CCDC83: variants seen among roughly 807,000 people sequenced by gnomAD.
CCDC83 encodes the protein coiled-coil domain containing 83.
Under a neutral mutation model 50.1 loss-of-function variants are expected in CCDC83, and 54 were observed. The ratio of observed to expected loss-of-function variants is 1.08; its 90% CI spans 0.87 to 1.35. CCDC83 has a LOEUF of 1.35. CCDC83 is among the 40% of genes most tolerant of loss of function. The pLI is 0.00. For missense variants in CCDC83, 518 were observed against 473.9 expected (o/e 1.09, Z -0.86); for synonymous variants, 161 against 153.3 (o/e 1.05, Z -0.37).
chr11:85,896,400 CAAAAAAAAAAAAAA>C lies in CCDC83; in HGVS notation c.603+1030_603+1043del, dbSNP rs58450617. Among the ~76,000 whole-genome samples the C allele has an allele frequency of 4.4e-4, 22 of 50,504 alleles. No individual in the cohort carries two copies. The South Asian group carries it at 1.0e-2, about 23-fold the overall frequency. The allele number at this position is 50,504 out of a possible 152,430, so 33.1% of individuals were successfully genotyped here. A position where few individuals can be genotyped will look rare whatever the true frequency, so the allele number is the denominator to read the frequency against. On this transcript the variant is annotated intron_variant, in intron 6 of 10. Coordinates refer to ENST00000342404, the MANE Select transcript of CCDC83 (RefSeq NM_001286159.2). ...TGGGCAACAAAGTGAGACCTTGTCT[CAAAAAAAAAAAAAA>C]AAAAAAAAAAAAACCAAAAAACTGA...
At position 85,919,390 on chromosome 11, in the gene CCDC83, T is replaced by G; in HGVS notation, c.1122T>G (p.Ser374Arg). ...NLGPLGVKLM[S>R]VESKKMPIHF... is the part of the protein sequence containing the mutation. Reference sequence around the variant, plus strand: ...GCCCCCTGGGAGTGAAGCTTATGAGTGTGGAGAGCAAGAAAATGCCCATTC... The same window carrying G: ...GCCCCCTGGGAGTGAAGCTTATGAGGGTGGAGAGCAAGAAAATGCCCATTC... The change falls in exon 11 of 11, where the codon AGT (serine) becomes AGG (arginine). Residue 374 changes from serine to arginine, a missense_variant. Coordinates refer to ENST00000342404, the MANE Select transcript of CCDC83 (RefSeq NM_001286159.2). The G allele has an allele frequency of 6.2e-7, 1 of 1,613,574 alleles. No homozygotes were observed. Among genetic ancestry groups the G allele is most frequent in the Non-Finnish European group, 8.5e-7 (1 of 1,179,834 alleles).
At position 85,919,504 on chromosome 11, in the gene CCDC83, T is replaced by C. The variant is rs2093498819; in HGVS notation, c.1236T>C (p.Phe412=). Reference sequence around the variant, plus strand: ...TCACATATAAGATGATGAAGTCTTTTCTCTAAGACGGAAAGCTGCAAAGGA... The same window carrying C: ...TCACATATAAGATGATGAAGTCTTTCCTCTAAGACGGAAAGCTGCAAAGGA... ...SHITYKMMKS[F]L is the part of the protein sequence containing the mutation. The change falls in exon 11 of 11, where the codon TTT becomes TTC. Residue 412 remains phenylalanine (F), a synonymous_variant. Transcript: ENST00000342404. 1 of 1,604,740 alleles carries C rather than the reference T, an allele frequency of 6.2e-7. No individual in the cohort carries two copies. Among genetic ancestry groups the C allele is most frequent in the South Asian group, 1.1e-5 (1 of 89,308 alleles).
At chr11:85,907,568 T>C (rs2093431350) in intron 7 of CCDC83, among the ~76,000 whole-genome samples, 1 of 152,222 alleles carries the variant, frequency 6.6e-6, no homozygotes, top group Non-Finnish European at 1.5e-5. Flanking sequence ...AGTTTCTATG[T>C]ATATTTCTTG....
At chr11:85,867,435 C>G (rs1484209527) in intron 2 of CCDC83, among the ~76,000 whole-genome samples, 1 of 152,166 alleles carries the variant, frequency 6.6e-6, no homozygotes, top group East Asian at 1.9e-4. Flanking sequence ...AAATCTGTCT[C>G]CTTCTTTGGA....
At chr11:85,863,866 A>T (rs1241439457) in intron 1 of CCDC83, among the ~76,000 whole-genome samples, 2 of 152,196 alleles carry the variant, frequency 1.3e-5, no homozygotes, top group Middle Eastern at 3.2e-3. Context: ...GGGAAAGAGG[A>T]AGGGGCACTA....
At chr11:85,905,030 C>T (rs993878924) in intron 7 of CCDC83, among the ~76,000 whole-genome samples, 2 of 152,202 alleles carry the variant, frequency 1.3e-5, no homozygotes, top group African/African-American at 4.8e-5. Context: ...ATGTTGTTGG[C>T]TCATGCCTGT....
chr11:85,883,818 T>C (rs2093313534), intron 4 of CCDC83, among the ~76,000 whole-genome samples: 1 of 152,144 alleles, frequency 6.6e-6, no homozygotes, highest in South Asian at 2.1e-4. Flanking sequence ...TCAATAGATA[T>C]TTGCTGTTTT....
In CCDC83 at chr11:85,886,309, C is replaced by T; in HGVS notation, c.453C>T (p.Leu151=). 1 of 1,609,766 alleles carries T rather than the reference C, an allele frequency of 6.2e-7. No homozygotes were observed. The highest frequency in any genetic ancestry group is 8.5e-7 in the Non-Finnish European group (1 of 1,178,470). Reference sequence around the variant, plus strand: ...TAGGGAGTGAACGACATGCTAAACTCATTACCTCCTTACAAAATGACATCA... The same window carrying T: ...TAGGGAGTGAACGACATGCTAAACTTATTACCTCCTTACAAAATGACATCA... ...KNVGSERHAK[L]ITSLQNDINT... The change falls in exon 5 of 11, where the codon CTC becomes CTT. Residue 151 remains leucine, a synonymous_variant. Coordinates refer to ENST00000342404, the MANE Select transcript of CCDC83 (RefSeq NM_001286159.2).
At chr11:85,915,253 C>T (rs867574579) in intron 8 of CCDC83, among the ~76,000 whole-genome samples, 166 bp from the exon 9 acceptor site, 1 of 152,116 alleles carries the variant, frequency 6.6e-6, no homozygotes, top group Non-Finnish European at 1.5e-5. Flanking sequence ...TTTAAAATAC[C>T]GTAAGGCTGT....
chr11:85,908,396 C>G (rs1344654597), intron 7 of CCDC83, among the ~76,000 whole-genome samples: 1 of 151,072 alleles, frequency 6.6e-6, no homozygotes, highest in Non-Finnish European at 1.5e-5. Flanking sequence ...ACTAAAGATG[C>G]AAAAAAAATA....
In CCDC83 at chr11:85,919,472, A is replaced by T. The variant is rs1056620037; in HGVS notation, c.1204A>T (p.Ser402Cys). 1 of 1,612,266 alleles carries T rather than the reference A, an allele frequency of 6.2e-7. No homozygotes were observed. Among genetic ancestry groups the T allele is most frequent in the Admixed American group, 1.7e-5 (1 of 59,468 alleles). ...CTATAAAGATGTCAGGAGCCCAGAA[A>T]GCCACATCACATATAAGATGATGAA... is the stretch of plus-strand genomic sequence containing the variant. ...KLYKDVRSPE[S>C]HITYKMMKSF... The change falls in exon 11 of 11, where the codon AGC becomes TGC. Residue 402 changes from serine to cysteine, a missense_variant. By Grantham distance (112) the Ser-to-Cys change is moderately radical. Coordinates refer to ENST00000342404, the MANE Select transcript of CCDC83 (RefSeq NM_001286159.2).
chr11:85,911,202 AAG>A (rs2093452039), intron 7 of CCDC83, 77 bp from the exon 8 acceptor site: 2 of 1,225,686 alleles, frequency 1.6e-6, no homozygotes, highest in Admixed American at 2.9e-5. Context: ...AGAAAGAAAA[AAG>A]AAAAAAATAA....
intron 1 of CCDC83, among the ~76,000 whole-genome samples, chr11:85,859,016 G>T (rs2093159182): frequency 6.6e-6 from 1 of 151,864 alleles, no homozygotes; most frequent in Non-Finnish European, 1.5e-5. Flanking sequence ...AAACATAAAA[G>T]CAAGCATAGA....
chr11:85,893,598 A>G (rs12286210), intron 5 of CCDC83, among the ~76,000 whole-genome samples: 40,155 of 152,178 alleles, frequency 0.26, 5,679 homozygotes, highest in Middle Eastern at 0.29. Context: ...CAGGAGGTGA[A>G]CAGTGGAGAA....
At chr11:85,913,672 A>G (rs2093464932) in intron 8 of CCDC83, among the ~76,000 whole-genome samples, 1 of 152,162 alleles carries the variant, frequency 6.6e-6, no homozygotes, top group African/African-American at 2.4e-5. Context: ...CACATTTCCT[A>G]TGTAGTTACT....
At chr11:85,902,599 G>C (rs548635330) in intron 7 of CCDC83, among the ~76,000 whole-genome samples, 1 of 152,056 alleles carries the variant, frequency 6.6e-6, no homozygotes, top group Non-Finnish European at 1.5e-5. Context: ...TAAATTGACC[G>C]CATCTTCCCT....
intron 4 of CCDC83, among the ~76,000 whole-genome samples, chr11:85,884,417 G>A (rs989122753): frequency 3.9e-5 from 6 of 152,006 alleles, no homozygotes; most frequent in East Asian, 3.8e-4. Flanking sequence ...ATCAGAATCC[G>A]CATTCTGACA....
rs770904706 is a variant in CCDC83, at chr11:85,915,418, G to C, written c.795-1G>C. The C allele has an allele frequency of 3.4e-5, 55 of 1,605,534 alleles. No homozygotes were observed. Among genetic ancestry groups the C allele is most frequent in the Non-Finnish European group, 4.7e-5 (55 of 1,176,564 alleles). Reference sequence around the variant, plus strand: ...ATTGTTTTTCTCATTTGTTCTTTTAGGCGACTATATCTTACCCAAGCTGCT... The same window carrying C: ...ATTGTTTTTCTCATTTGTTCTTTTACGCGACTATATCTTACCCAAGCTGCT... On this transcript the variant is annotated splice_acceptor_variant, in intron 8 of 10. Coordinates refer to ENST00000342404, the MANE Select transcript of CCDC83 (RefSeq NM_001286159.2). LOFTEE classifies it high-confidence loss of function.
At chr11:85,883,893 T>C (rs2093313843) in intron 4 of CCDC83, among the ~76,000 whole-genome samples, 1 of 152,168 alleles carries the variant, frequency 6.6e-6, no homozygotes, top group Non-Finnish European at 1.5e-5. Flanking sequence ...AGTCCAAAAC[T>C]GTTCCCATAG....
Sources: allele counts gnomAD v4.1 joint callset (sites outside exome capture counted in the v4.1 genomes callset), GRCh38; gene constraint gnomAD v4.1.1; transcripts MANE v1.5; gene names NCBI Gene and HGNC (gene_info 2026-07-23, HGNC 2026-07-21).